FKBP1C: variants seen among roughly 807,000 people sequenced by gnomAD.
The protein encoded by FKBP1C is peptidyl-prolyl cis-trans isomerase FKBP1C.
A neutral mutation model predicts 7.1 loss-of-function variants in FKBP1C; 7 were observed. The observed-to-expected ratio is 0.99, with a 90% CI of 0.56 to 1.86. The LOEUF (loss-of-function observed/expected upper bound fraction) is 1.86. FKBP1C is among the 40% of genes most tolerant of loss of function. The pLI, the probability that FKBP1C is intolerant of heterozygous loss-of-function variation, is 0.00. For missense variants in FKBP1C, 159 were observed against 139.9 expected (o/e 1.14, Z -0.69); for synonymous variants, 56 against 51.2 (o/e 1.09, Z -0.40).
chr6:63,212,114 TA>T, exon 1 of FKBP1C: 2 of 614,816 alleles, frequency 3.3e-6, no homozygotes, highest in African/African-American at 1.9e-5. Flanking sequence ...CTATATGCCA[TA>T]AACGTCAAGT....
In FKBP1C at chr6:63,212,669, C is replaced by G. The variant is rs1358055207; in HGVS notation, c.*786C>G. 2.4e-5 allele frequency: 4 copies of G among 166,010 alleles called. No homozygotes were observed. The East Asian group carries it at 7.8e-4, about 32-fold the overall frequency. 10.3% of individuals were successfully genotyped at this position (166,010 alleles called of 1,614,324 possible). A position where few individuals can be genotyped will look rare whatever the true frequency, so the allele number is the denominator to read the frequency against. On this transcript the variant is annotated 3_prime_UTR_variant, in exon 1 of 1. Coordinates refer to ENST00000370659, the Ensembl canonical transcript of FKBP1C. The stretch of plus-strand genomic sequence containing the variant: ...GGAATTTTGTAATCTCATAACTTTC[C>G]AAGCTCCACCACTTCCTAAATCTTA...
chr6:63,212,169 G>A, exon 1 of FKBP1C: 3 of 576,506 alleles, frequency 5.2e-6, no homozygotes, highest in South Asian at 4.4e-5. Context: ...TTCAGTTTCA[G>A]TCTTTTGAAT....
chr6:63,211,967 C>T (rs1251752670), exon 1 of FKBP1C: 1 of 1,479,492 alleles, frequency 6.8e-7, no homozygotes, highest in Non-Finnish European at 9.4e-7. Context: ...CACATAAATC[C>T]ATATGGAGCT....
At chr6:63,211,589 A>C (rs1455607288) in exon 1 of FKBP1C, 1 of 1,530,426 alleles carries the variant, frequency 6.5e-7, no homozygotes. Context: ...TCTCCCCAGG[A>C]GACTGGCGCA....
exon 1 of FKBP1C, chr6:63,211,514 G>T: frequency 1.3e-6 from 1 of 785,208 alleles, no homozygotes; most frequent in East Asian, 2.7e-5. Context: ...GTCGGTCCAC[G>T]CCGCCCGTCG....
exon 1 of FKBP1C, chr6:63,212,667 T>G (rs1766124333): frequency 6.0e-6 from 1 of 166,332 alleles, no homozygotes; most frequent in African/African-American, 2.4e-5. Flanking sequence ...CTCATAACTT[T>G]CCAAGCTCCA....
exon 1 of FKBP1C, chr6:63,211,830 A>G (rs1766109505): frequency 6.2e-7 from 1 of 1,613,026 alleles, no homozygotes. Context: ...CCCAGGCATC[A>G]TCCCACCACA....
At chr6:63,212,181 T>C (rs372157371) in exon 1 of FKBP1C, 125 of 557,150 alleles carry the variant, frequency 2.2e-4, no homozygotes, top group African/African-American at 2.2e-3. Flanking sequence ...CTTTTGAATA[T>C]AGGTTTCCAA....
At chr6:63,213,021 C>T in exon 1 of FKBP1C, 1 of 32,946 alleles carries the variant, frequency 3.0e-5, no homozygotes. Context: ...TGGCTTTTCT[C>T]AAAAAATAAA....
Position 63,211,731 on chromosome 6 carries a change from G to T in FKBP1C, c.175G>T (p.Gly59Cys), listed in dbSNP as rs907654941. The T allele has an allele frequency of 3.1e-6, 5 of 1,613,938 alleles. No individual in the cohort carries two copies. The African/African-American group carries it at 6.7e-5, about 22-fold the overall frequency. The change falls in exon 1 of 1, where the codon GGC (glycine) becomes TGC (cysteine). Residue 59 changes from glycine to cysteine, a missense_variant. Gly to Cys is a radical substitution (Grantham distance 159). Coordinates refer to ENST00000370659, the Ensembl canonical transcript of FKBP1C. ...GCTAGGCAAGCAGGAGGTGATCCGA[G>T]GCTGGGAAGAAGGGGTTGTCCAGAT...
exon 1 of FKBP1C, chr6:63,212,003 T>A (rs1445860440): frequency 1.7e-6 from 2 of 1,168,108 alleles, no homozygotes; most frequent in Non-Finnish European, 2.5e-6. Context: ...CTCCACTTTG[T>A]ATAGACATCT....
rs1278027418 is a variant in FKBP1C, at chr6:63,211,751, C to A, written c.195C>A (p.Val65=). The A allele has an allele frequency of 1.9e-6, 3 of 1,613,986 alleles. No homozygotes were observed. In the Admixed American group the frequency reaches 5.0e-5, roughly 27 times the overall value. The change falls in exon 1 of 1, where the codon GTC becomes GTA. Residue 65 remains valine (V), a synonymous_variant. Coordinates refer to ENST00000370659, the Ensembl canonical transcript of FKBP1C. Reference sequence around the variant, plus strand: ...TCCGAGGCTGGGAAGAAGGGGTTGTCCAGATGAGTGTGGGTCAGAGAGCCA... The same window carrying A: ...TCCGAGGCTGGGAAGAAGGGGTTGTACAGATGAGTGTGGGTCAGAGAGCCA...
At chr6:63,211,900 C>T in exon 1 of FKBP1C, 2 of 1,611,830 alleles carry the variant, frequency 1.2e-6, no homozygotes, top group Non-Finnish European at 8.5e-7. Context: ...TGGCCTCCTC[C>T]CTTAGCTCCC....
chr6:63,211,485 G>T, exon 1 of FKBP1C: 1 of 644,280 alleles, frequency 1.6e-6, no homozygotes, highest in Non-Finnish European at 2.8e-6. Flanking sequence ...CAGAGCCGTG[G>T]AACCGCCGCC....
At chr6:63,212,006 A>G (rs1163735094) in exon 1 of FKBP1C, 1 of 1,158,712 alleles carries the variant, frequency 8.6e-7, no homozygotes, top group Non-Finnish European at 1.3e-6. Context: ...CACTTTGTAT[A>G]GACATCTGCC....
At chr6:63,211,754 G>A (rs1347673768) in exon 1 of FKBP1C, 2 of 1,614,040 alleles carry the variant, frequency 1.2e-6, no homozygotes, top group Admixed American at 3.3e-5. Flanking sequence ...GGGTTGTCCA[G>A]ATGAGTGTGG....
exon 1 of FKBP1C, chr6:63,211,582 C>T (rs1292682695): frequency 1.3e-6 from 2 of 1,506,960 alleles, no homozygotes; most frequent in Middle Eastern, 1.7e-4. Flanking sequence ...GAAACCATCT[C>T]CCCAGGAGAC....
At chr6:63,212,137 C>T (rs772700900) in exon 1 of FKBP1C, 6 of 599,988 alleles carry the variant, frequency 1.0e-5, no homozygotes, top group Non-Finnish European at 1.5e-5. Flanking sequence ...ATTCATTTTA[C>T]TTTTTCATTT....
chr6:63,211,517 G>GC, exon 1 of FKBP1C: 1 of 816,100 alleles, frequency 1.2e-6, no homozygotes, highest in South Asian at 1.5e-5. Context: ...GGTCCACGCC[G>GC]CCCGTCGCGC....
Sources: gnomAD v4.1 joint callset for allele counts on GRCh38, gnomAD v4.1.1 for gene constraint, MANE v1.5 for transcripts, NCBI Gene and HGNC (gene_info 2026-07-23, HGNC 2026-07-21) for gene names.